The following CTDSP2 variants were observed in gnomAD, a reference collection of about 807,000 sequenced individuals.
The protein encoded by CTDSP2 is carboxy-terminal domain RNA polymerase II polypeptide A small phosphatase 2.
CTDSP2 carries 9 observed loss-of-function variants against 31.6 expected under a neutral mutation model. The observed-to-expected ratio is 0.28, with a 90% CI of 0.17 to 0.50. The LOEUF is 0.50. Ranked by LOEUF, CTDSP2 falls within the 20% of genes least tolerant of loss-of-function variation. The probability of loss-of-function intolerance (pLI) is 0.98; values close to 1 mark genes in which losing one functional copy is unlikely to be tolerated. For synonymous variants in CTDSP2, 134 were observed against 134.5 expected (o/e 1.00, Z 0.03); for missense variants, 267 against 348.5 (o/e 0.77, Z 1.86).
Position 57,830,400 on chromosome 12 carries a change from A to G in CTDSP2, c.65-804T>C, listed in dbSNP as rs144989317. ...ACTCCGTCTCAAAAAAACAACAACA[A>G]AAACAAACAAACAAACAAAACCAAC... On this transcript the variant is annotated intron_variant, in intron 1 of 7. Transcript: ENST00000398073. Among the ~76,000 whole-genome samples the G allele has an allele frequency of 6.6e-3, 1,007 of 151,858 alleles. 23 individuals are homozygous for G. Among genetic ancestry groups the G allele is most frequent in the Admixed American group, 0.036 (547 of 15,254 alleles).
intron 1 of CTDSP2, among the ~76,000 whole-genome samples, chr12:57,839,777 G>A (rs1378793430): frequency 6.6e-6 from 1 of 151,902 alleles, no homozygotes; most frequent in Non-Finnish European, 1.5e-5. Flanking sequence ...CACTAGCCAT[G>A]TACCCTTGGG....
rs369224307 is a variant in CTDSP2, at chr12:57,823,886, C to T, written c.690+18G>A. 1.7e-5 allele frequency: 27 copies of T among 1,613,258 alleles called. No individual in the cohort carries two copies. Among genetic ancestry groups the T allele is most frequent in the Middle Eastern group, 1.7e-4 (1 of 6,056 alleles). On this transcript the variant is annotated intron_variant, in intron 7 of 7. Coordinates refer to ENST00000398073, the MANE Select transcript of CTDSP2 (RefSeq NM_005730.4). ...CCTCTCCCAATCCCTACCGTGGAGA[C>T]GCATCAGGAGCACTCACTGCATTCT...
At chr12:57,826,280 G>A in intron 5 of CTDSP2, 66 bp downstream of exon 5, 1 of 1,448,188 alleles carries the variant, frequency 6.9e-7, no homozygotes, top group Admixed American at 1.7e-5. Flanking sequence ...GAGGACCCCA[G>A]TACAGGTGAG....
At chr12:57,843,449 T>C (rs1348203400) in intron 1 of CTDSP2, among the ~76,000 whole-genome samples, 1 of 152,160 alleles carries the variant, frequency 6.6e-6, no homozygotes, top group Non-Finnish European at 1.5e-5. Flanking sequence ...TCAGCAACTT[T>C]GTTCTACTTC....
chr12:57,833,509 CCTTT>C (rs1221516108), intron 1 of CTDSP2, among the ~76,000 whole-genome samples: 2 of 152,220 alleles, frequency 1.3e-5, no homozygotes, highest in Non-Finnish European at 2.9e-5. Context: ...GTCCTCCTTT[CCTTT>C]CTAAATACTA....
In CTDSP2 at chr12:57,822,107, A is replaced by AGGAGGGAG. The variant is rs891202721; in HGVS notation, c.*1487_*1494dup. ...AACAGGAGCGCCCTCCCACCCCAGG[A>AGGAGGGAG]GGAGGGAGGGAGGGAGGAGAGAACC... On this transcript the variant is annotated 3_prime_UTR_variant, in exon 8 of 8. Coordinates refer to ENST00000398073, the MANE Select transcript of CTDSP2 (RefSeq NM_005730.4). The AGGAGGGAG allele has an allele frequency of 3.9e-5, 6 of 152,058 alleles. No homozygotes were observed. The highest frequency in any genetic ancestry group is 1.5e-4 in the African/African-American group (6 of 41,246). The allele number at this position is 152,058 out of a possible 1,614,324, so 9.4% of individuals were successfully genotyped here.
intron 1 of CTDSP2, among the ~76,000 whole-genome samples, chr12:57,844,134 G>A (rs1457244448): frequency 6.6e-6 from 1 of 152,050 alleles, no homozygotes; most frequent in East Asian, 1.9e-4. Flanking sequence ...GGCGGAGGTT[G>A]CAGTGAGCTG....
At chr12:57,834,553 T>C (rs1019079147) in intron 1 of CTDSP2, among the ~76,000 whole-genome samples, 3 of 151,970 alleles carry the variant, frequency 2.0e-5, no homozygotes, top group African/African-American at 4.8e-5. Flanking sequence ...GAAGGAGGGG[T>C]TGGAGCCAGG....
chr12:57,845,290 C>T (rs1253073721), intron 1 of CTDSP2: 2 of 152,234 alleles, frequency 1.3e-5, no homozygotes, highest in African/African-American at 2.4e-5. Flanking sequence ...GAAAATCTGC[C>T]GCTATTTTGG....
chr12:57,834,893 C>T (rs958177012), intron 1 of CTDSP2, among the ~76,000 whole-genome samples: 3 of 152,120 alleles, frequency 2.0e-5, no homozygotes, highest in Non-Finnish European at 4.4e-5. Context: ...GAGGCCGAGG[C>T]GGGCGGATCA....
chr12:57,822,667 G>A lies in CTDSP2; in HGVS notation c.*935C>T, dbSNP rs770974539. Reference sequence around the variant, plus strand: ...ACTTATGGAAATGATCCCGAGCTTAGCTGATCCACAAGCCATGGGGACACA... The same window carrying A: ...ACTTATGGAAATGATCCCGAGCTTAACTGATCCACAAGCCATGGGGACACA... On this transcript the variant is annotated 3_prime_UTR_variant, in exon 8 of 8. Transcript: ENST00000398073. The A allele has an allele frequency of 1.3e-5, 2 of 152,294 alleles. No individual in the cohort carries two copies. Among genetic ancestry groups the A allele is most frequent in the Non-Finnish European group, 2.9e-5 (2 of 68,066 alleles). The allele number at this position is 152,294 out of a possible 1,614,324, so 9.4% of individuals were successfully genotyped here. A position where few individuals can be genotyped will look rare whatever the true frequency, so the allele number is the denominator to read the frequency against.
chr12:57,824,058 C>G lies in CTDSP2; in HGVS notation c.536G>C (p.Arg179Pro). The G allele has an allele frequency of 1.2e-6, 2 of 1,614,054 alleles. No individual in the cohort carries two copies. Among genetic ancestry groups the G allele is most frequent in the Non-Finnish European group, 1.7e-6 (2 of 1,179,986 alleles). ...YADPVTDLLD[R>P]CGVFRARLFR... The stretch of plus-strand genomic sequence containing the variant: ...TAGGCGGGCCCGGAACACCCCACAC[C>G]GGTCCAGCAGGTCTGTCACAGGGTC... The change falls in exon 7 of 8, where the codon CGG becomes CCG. Residue 179 changes from arginine to proline, a missense_variant. Physicochemically the swap from Arg to Pro is moderately radical, Grantham distance 103. Around this residue, in one of 2 missense-constraint regions of CTDSP2, gnomAD observed 156 missense variants for 241.3 expected, o/e 0.65. Transcript: ENST00000398073.
Position 57,829,578 on chromosome 12 carries a change from G to A in CTDSP2, c.83C>T (p.Ser28Phe). ...GTTACGTCCACGAGGCTTCTTAGGA[G>A]AGGACTTGGAGACCAGGCCTAGGGT... Reference protein sequence around the residue: ...LTKQGLVSKSSPKKPRGRNIF... With the variant: ...LTKQGLVSKSFPKKPRGRNIF... Residue 28 changes from serine (S) to phenylalanine (F), a missense_variant, in exon 2 of 8, where the codon TCT becomes TTT. Coordinates refer to ENST00000398073, the MANE Select transcript of CTDSP2 (RefSeq NM_005730.4). The A allele has an allele frequency of 6.2e-7, 1 of 1,614,160 alleles. No individual in the cohort carries two copies. The highest frequency in any genetic ancestry group is 8.5e-7 in the Non-Finnish European group (1 of 1,179,994).
intron 1 of CTDSP2, among the ~76,000 whole-genome samples, chr12:57,834,810 T>C (rs1034511947): frequency 6.6e-6 from 1 of 152,114 alleles, no homozygotes; most frequent in Non-Finnish European, 1.5e-5. Context: ...CACAGCGATT[T>C]CCTTCTTTAA....
chr12:57,833,867 C>A (rs983179684), intron 1 of CTDSP2, among the ~76,000 whole-genome samples: 1 of 152,236 alleles, frequency 6.6e-6, no homozygotes, highest in Non-Finnish European at 1.5e-5. Flanking sequence ...TACTGAGCAT[C>A]AAGGATGTGC....
intron 1 of CTDSP2, 111 bp from the exon 2 acceptor site, chr12:57,829,707 G>T: frequency 1.1e-6 from 1 of 873,978 alleles, no homozygotes; most frequent in Non-Finnish European, 1.8e-6. Flanking sequence ...AGGGCACACA[G>T]TATACGGCTG....
chr12:57,822,617 C>G lies in CTDSP2; in HGVS notation c.*985G>C, dbSNP rs1222835953. ...TGGAACAGAAGTCCTTGCACCAGCA[C>G]CAGCAGAGAATCCCTGAAAAGCAGA... On this transcript the variant is annotated 3_prime_UTR_variant, in exon 8 of 8. Coordinates refer to ENST00000398073, the MANE Select transcript of CTDSP2 (RefSeq NM_005730.4). 1 of 152,302 alleles carries G rather than the reference C, an allele frequency of 6.6e-6. No individual in the cohort carries two copies. Among genetic ancestry groups the G allele is most frequent in the Non-Finnish European group, 1.5e-5 (1 of 68,104 alleles). The allele number at this position is 152,302 out of a possible 1,614,324, so 9.4% of individuals were successfully genotyped here.
chr12:57,833,204 C>CT, intron 1 of CTDSP2, among the ~76,000 whole-genome samples: 1 of 152,326 alleles, frequency 6.6e-6, no homozygotes, highest in African/African-American at 2.4e-5. Context: ...GGGCAGCTGG[C>CT]TGGGGGCATG....
rs776912265 is a variant in CTDSP2 at position 57,823,734 on chromosome 12, G to C, written c.691-7C>G. 1.2e-6 allele frequency: 2 copies of C among 1,613,758 alleles called. No homozygotes were observed. Among genetic ancestry groups the C allele is most frequent in the Non-Finnish European group, 1.7e-6 (2 of 1,179,994 alleles). On this transcript the variant is annotated splice_region_variant and splice_polypyrimidine_tract_variant and intron_variant, in intron 7 of 7. Transcript: ENST00000398073. ...ACCAGGACTGCACAGGCACCTGGTG[G>C]GGGGAAGATGTGGTGTCAATCTCCC...
Sources: allele counts gnomAD v4.1 joint callset (sites outside exome capture counted in the v4.1 genomes callset), GRCh38; gene constraint gnomAD v4.1.1; regional missense constraint gnomAD v4.1.1; transcripts MANE v1.5; gene names NCBI Gene and HGNC (gene_info 2026-07-23, HGNC 2026-07-21).